Variants in FAM124B observed in about 807,000 individuals in gnomAD.
FAM124B encodes the protein protein FAM124B.
Under a neutral mutation model 19.7 loss-of-function variants are expected in FAM124B, and 18 were observed. The observed-to-expected ratio is 0.92, with a 90% CI of 0.63 to 1.36. The LOEUF (loss-of-function observed/expected upper bound fraction) is 1.36, where lower values mean the gene tolerates loss of function less well. FAM124B is among the 40% of genes most tolerant of loss of function. The probability of loss-of-function intolerance (pLI) is 0.00; values close to 1 mark genes in which losing one functional copy is unlikely to be tolerated. For missense variants in FAM124B, 540 were observed against 553.3 expected (o/e 0.98, Z 0.24); for synonymous variants, 223 against 225.2 (o/e 0.99, Z 0.09).
Position 224,379,537 on chromosome 2 carries a change from T to C in FAM124B, c.*36A>G. 1.3e-6 allele frequency: 2 copies of C among 1,486,220 alleles called. No homozygotes were observed. Among genetic ancestry groups the C allele is most frequent in the East Asian group, 4.9e-5 (2 of 40,422 alleles). 92.1% of individuals were successfully genotyped at this position (1,486,220 alleles called of 1,614,324 possible). ...TACTCCATTTCTAGAACATTTTATCTGATCTTGTGTTTTAGAAAACCACAT... is the reference window on the plus strand; with the variant it reads ...TACTCCATTTCTAGAACATTTTATCCGATCTTGTGTTTTAGAAAACCACAT... On this transcript the variant is annotated 3_prime_UTR_variant, in exon 2 of 2. Transcript: ENST00000409685.
intron 1 of FAM124B, among the ~76,000 whole-genome samples, chr2:224,393,739 C>T (rs966080917): frequency 3.3e-5 from 5 of 152,298 alleles, no homozygotes; most frequent in African/African-American, 7.2e-5. Context: ...CTGAGAATAG[C>T]GACATCTAGA....
At chr2:224,384,973 C>T (rs1191339765) in intron 1 of FAM124B, among the ~76,000 whole-genome samples, 3 of 152,142 alleles carry the variant, frequency 2.0e-5, no homozygotes, top group Non-Finnish European at 2.9e-5. Flanking sequence ...GTTCAAGTCT[C>T]GTGTCTTGAA....
At chr2:224,387,770 A>ACCCT (rs1193507805) in intron 1 of FAM124B, among the ~76,000 whole-genome samples, 1 of 152,092 alleles carries the variant, frequency 6.6e-6, no homozygotes, top group Non-Finnish European at 1.5e-5. Flanking sequence ...ACTAAGAGGG[A>ACCCT]GTTCATAGAT....
intron 1 of FAM124B, among the ~76,000 whole-genome samples, chr2:224,382,382 A>G (rs1371250802): frequency 1.3e-5 from 2 of 148,312 alleles, no homozygotes; most frequent in African/African-American, 5.0e-5. Flanking sequence ...ACCAAGCCCT[A>G]TTCTAGATCA....
At chr2:224,395,709 A>G (rs150834824) in intron 1 of FAM124B, among the ~76,000 whole-genome samples, 326 of 152,342 alleles carry the variant, frequency 2.1e-3, no homozygotes, top group African/African-American at 7.4e-3. Context: ...CATTTACTGA[A>G]CATCTATTTG....
intron 1 of FAM124B, among the ~76,000 whole-genome samples, chr2:224,392,769 A>G (rs1424356345): frequency 6.6e-6 from 1 of 151,522 alleles, no homozygotes; most frequent in Non-Finnish European, 1.5e-5. Flanking sequence ...AAAAAAAACA[A>G]CAGATGAGAT....
intron 1 of FAM124B, among the ~76,000 whole-genome samples, chr2:224,386,859 T>C (rs1475446812): frequency 1.3e-5 from 2 of 152,260 alleles, no homozygotes; most frequent in Non-Finnish European, 2.9e-5. Context: ...ATGTAGCACC[T>C]ATAAACTAGG....
Position 224,401,638 on chromosome 2 carries a change from A to G in FAM124B, c.131T>C (p.Val44Ala). The G allele has an allele frequency of 6.2e-7, 1 of 1,614,142 alleles. No individual in the cohort carries two copies. Among genetic ancestry groups the G allele is most frequent in the Non-Finnish European group, 8.5e-7 (1 of 1,180,036 alleles). Residue 44 changes from valine to alanine, a missense_variant, in exon 1 of 2, where the codon GTG becomes GCG. By Grantham distance (64) the Val-to-Ala change is moderately conservative (BLOSUM62 0). Transcript: ENST00000409685. The part of the protein sequence containing the change: ...CICPEVRLFQ[V>A]SERASPVKYC... Reference sequence around the variant, plus strand: ...TTTCACAGGACTGGCCCGTTCAGACACCTGAAAGAGCCGGACCTCTGGGCA... The same window carrying G: ...TTTCACAGGACTGGCCCGTTCAGACGCCTGAAAGAGCCGGACCTCTGGGCA...
rs140764457 is a variant in FAM124B at position 224,389,677 on chromosome 2, C to T, written c.733-9469G>A. 3.9e-4 allele frequency among the ~76,000 whole-genome samples: 60 copies of T among 152,080 alleles called. 1 individual carries two copies. The Middle Eastern group carries it at 0.024, about 60-fold the overall frequency. On this transcript the variant is annotated intron_variant, in intron 1 of 1. Coordinates refer to ENST00000409685, the MANE Select transcript of FAM124B (RefSeq NM_001122779.2). Reference sequence around the variant, plus strand: ...TGACTTGGTTTTGCCTGGATTGAGTCTGGGATGGGGATGAGACATCATGTT... The same window carrying T: ...TGACTTGGTTTTGCCTGGATTGAGTTTGGGATGGGGATGAGACATCATGTT...
chr2:224,390,538 G>A (rs1299814491), intron 1 of FAM124B, among the ~76,000 whole-genome samples: 2 of 151,944 alleles, frequency 1.3e-5, no homozygotes, highest in African/African-American at 2.4e-5. Flanking sequence ...AATGCCGTGA[G>A]CTCATCGAGT....
intron 1 of FAM124B, among the ~76,000 whole-genome samples, chr2:224,397,981 G>C (rs1050718534): frequency 6.6e-6 from 1 of 152,174 alleles, no homozygotes; most frequent in Non-Finnish European, 1.5e-5. Flanking sequence ...TGTAAGATGC[G>C]ACTGCTCCTC....
At chr2:224,381,732 T>C (rs1413673056) in intron 1 of FAM124B, among the ~76,000 whole-genome samples, 2 of 152,158 alleles carry the variant, frequency 1.3e-5, no homozygotes, top group South Asian at 4.1e-4. Context: ...GTAACACATG[T>C]ACCACTCTGA....
At chr2:224,394,104 C>T (rs1689932118) in intron 1 of FAM124B, among the ~76,000 whole-genome samples, 1 of 152,200 alleles carries the variant, frequency 6.6e-6, no homozygotes, top group Non-Finnish European at 1.5e-5. Flanking sequence ...TCTCCTCGTC[C>T]TCCTGGCTTT....
intron 1 of FAM124B, among the ~76,000 whole-genome samples, chr2:224,382,769 G>A (rs1689743357): frequency 6.6e-6 from 1 of 152,124 alleles, no homozygotes; most frequent in East Asian, 1.9e-4. Flanking sequence ...AATCTAATTA[G>A]CGCAGCCCTG....
intron 1 of FAM124B, among the ~76,000 whole-genome samples, chr2:224,389,919 G>T (rs952389363): frequency 6.6e-6 from 1 of 151,950 alleles, no homozygotes; most frequent in African/African-American, 2.4e-5. Flanking sequence ...AAATATTTTT[G>T]GTTGTCACAA....
At chr2:224,400,877 C>T (rs1332553077) in intron 1 of FAM124B, among the ~76,000 whole-genome samples, 160 bp downstream of exon 1, 2 of 152,238 alleles carry the variant, frequency 1.3e-5, no homozygotes, top group Non-Finnish European at 2.9e-5. Flanking sequence ...TGGATGTTCC[C>T]AGAGATTCGG....
At chr2:224,397,761 T>C (rs1000451886) in intron 1 of FAM124B, among the ~76,000 whole-genome samples, 1 of 152,150 alleles carries the variant, frequency 6.6e-6, no homozygotes, top group African/African-American at 2.4e-5. Context: ...GCCCTAGAGA[T>C]TTGTGGAACT....
At chr2:224,400,940 T>C in intron 1 of FAM124B, 97 bp downstream of exon 1, 1 of 1,454,684 alleles carries the variant, frequency 6.9e-7, no homozygotes, top group Non-Finnish European at 9.2e-7. Flanking sequence ...GACGCTAATA[T>C]GCAACCAAGT....
chr2:224,380,613 G>A lies in FAM124B; in HGVS notation c.733-405C>T, dbSNP rs148400467. ...ATTTAGAAAGCCACCAAACCATGTG[G>A]TTAAAGTTAAGATAAGGATTGAAGT... is the stretch of plus-strand genomic sequence containing the variant. On this transcript the variant is annotated intron_variant, in intron 1 of 1. Coordinates refer to ENST00000409685, the MANE Select transcript of FAM124B (RefSeq NM_001122779.2). Among the ~76,000 whole-genome samples, 4 of 152,314 alleles carry A rather than the reference G, an allele frequency of 2.6e-5. No individual in the cohort carries two copies. The East Asian group carries it at 7.7e-4, about 29-fold the overall frequency.
Sources: gnomAD v4.1 joint callset for allele counts (sites outside exome capture counted in the v4.1 genomes callset) on GRCh38, gnomAD v4.1.1 for gene constraint, MANE v1.5 for transcripts, NCBI Gene and HGNC (gene_info 2026-07-23, HGNC 2026-07-21) for gene names.